RNF220: variants seen among roughly 807,000 people sequenced by gnomAD.
The protein encoded by RNF220 is E3 ubiquitin-protein ligase RNF220.
In RNF220, 7 loss-of-function variants were observed where a neutral mutation model predicts 67.1. That is an observed-to-expected ratio of 0.10 (90% CI 0.06 to 0.20). The LOEUF is 0.20. Among genes scored for constraint, RNF220 ranks in the 10% least tolerant of loss-of-function variants. The pLI is 1.00. For missense variants in RNF220, 565 were observed against 740.3 expected, an observed-to-expected ratio of 0.76 and a Z score of 2.75; for synonymous variants, 270 against 283.2, an observed-to-expected ratio of 0.95 and a Z score of 0.47.
intron 2 of RNF220, among the ~76,000 whole-genome samples, chr1:44,549,016 G>C (rs1449463787): frequency 1.3e-5 from 2 of 152,082 alleles, no homozygotes; most frequent in Non-Finnish European, 2.9e-5. Context: ...GTTAAACTCT[G>C]TCTCTACTAA....
chr1:44,449,545 C>T (rs1652453456), intron 2 of RNF220, among the ~76,000 whole-genome samples: 1 of 152,084 alleles, frequency 6.6e-6, no homozygotes, highest in Non-Finnish European at 1.5e-5. Flanking sequence ...TCCCAAGTAG[C>T]TGGGATTACA....
At chr1:44,453,042 C>T (rs1012446928) in intron 2 of RNF220, among the ~76,000 whole-genome samples, 3 of 152,070 alleles carry the variant, frequency 2.0e-5, no homozygotes, top group Non-Finnish European at 4.4e-5. Flanking sequence ...AAATCTTGGA[C>T]ATATTGGTGA....
At chr1:44,581,955 G>A (rs564132037) in intron 2 of RNF220, among the ~76,000 whole-genome samples, 2 of 152,176 alleles carry the variant, frequency 1.3e-5, no homozygotes, top group African/African-American at 2.4e-5. Flanking sequence ...CAAGGGAAGC[G>A]CCCACCAGCA....
intron 2 of RNF220, among the ~76,000 whole-genome samples, chr1:44,589,784 T>A (rs750015865): frequency 5.9e-5 from 9 of 152,114 alleles, no homozygotes; most frequent in Non-Finnish European, 1.0e-4. Context: ...TATATTTCTG[T>A]CTCTACCAAT....
At chr1:44,473,277 T>G (rs761228445) in intron 2 of RNF220, among the ~76,000 whole-genome samples, 4 of 152,134 alleles carry the variant, frequency 2.6e-5, no homozygotes, top group Non-Finnish European at 5.9e-5. Context: ...GTGGAACGGT[T>G]TCTGTAAAAG....
intron 2 of RNF220, among the ~76,000 whole-genome samples, chr1:44,563,244 T>C (rs1663725651): frequency 6.6e-6 from 1 of 152,086 alleles, no homozygotes; most frequent in Admixed American, 6.5e-5. Context: ...GGGGCGAGGC[T>C]GGGCTAGCCT....
rs1300943687 is a variant in RNF220, at chr1:44,411,964, C to T, written c.-117-17C>T. ...ACTTTCCTCCCCCTTCTTTTTTTCTCTTTGCTGTTTCTACAGGTCTTAGGA... is the reference window on the plus strand; with the variant it reads ...ACTTTCCTCCCCCTTCTTTTTTTCTTTTTGCTGTTTCTACAGGTCTTAGGA... On this transcript the variant is annotated splice_polypyrimidine_tract_variant and intron_variant, in intron 1 of 14. Coordinates refer to ENST00000361799, the MANE Select transcript of RNF220 (RefSeq NM_018150.4). 3.1e-5 allele frequency: 30 copies of T among 977,962 alleles called. No homozygotes were observed. Among genetic ancestry groups the T allele is most frequent in the South Asian group, 6.5e-5 (3 of 46,002 alleles). The allele number at this position is 977,962 out of a possible 1,614,324, so 60.6% of individuals were successfully genotyped here.
At chr1:44,537,377 A>ATG (rs377063866) in intron 2 of RNF220, among the ~76,000 whole-genome samples, 44 of 151,818 alleles carry the variant, frequency 2.9e-4, no homozygotes, top group African/African-American at 6.8e-4. Flanking sequence ...GTGGTTCTTA[A>ATG]TGTGTGTGTG....
At position 44,475,747 on chromosome 1, in the gene RNF220, C is replaced by T. The variant is rs186229283; in HGVS notation, c.625+63025C>T. 8.5e-4 allele frequency among the ~76,000 whole-genome samples: 126 copies of T among 148,416 alleles called. 1 individual carries two copies. The highest frequency in any genetic ancestry group is 3.2e-3 in the African/African-American group (123 of 38,054). ...TCTCTACAGAGGCTGGGCGCAGTGG[C>T]TCACACCTGTAATCCCAGCACTTTG... On this transcript the variant is annotated intron_variant, in intron 2 of 14. Coordinates refer to ENST00000361799, the MANE Select transcript of RNF220 (RefSeq NM_018150.4).
In RNF220 at chr1:44,633,740, G is replaced by A. The variant is rs530002553; in HGVS notation, c.949+1355G>A. ...TTCCCCAGGGAGGCATTCCCTTGGT[G>A]TAGGCATGGTAGGGAGGAAGCTTTG... On this transcript the variant is annotated intron_variant, in intron 6 of 14. Transcript: ENST00000361799. 2.0e-5 allele frequency among the ~76,000 whole-genome samples: 3 copies of A among 152,358 alleles called. No individual in the cohort carries two copies. The South Asian group carries it at 6.2e-4, about 32-fold the overall frequency.
At chr1:44,550,000 C>T (rs1291159522) in intron 2 of RNF220, among the ~76,000 whole-genome samples, 1 of 152,220 alleles carries the variant, frequency 6.6e-6, no homozygotes, top group East Asian at 1.9e-4. Flanking sequence ...AAGCCCTGTC[C>T]TCAGCCTGCA....
chr1:44,561,718 AC>A (rs1280480103), intron 2 of RNF220, among the ~76,000 whole-genome samples: 1 of 152,056 alleles, frequency 6.6e-6, no homozygotes, highest in African/African-American at 2.4e-5. Flanking sequence ...GGAGTTTGAG[AC>A]CAGCCTGGAC....
chr1:44,502,149 TCTCTCTCTCACA>T (rs1469513010), intron 2 of RNF220, among the ~76,000 whole-genome samples: 51 of 121,948 alleles, frequency 4.2e-4, no homozygotes, highest in Admixed American at 3.1e-3. Flanking sequence ...TCTCTCTCTC[TCTCTCTCTCACA>T]CACACACACA....
At chr1:44,639,912 C>A (rs1219749730) in intron 8 of RNF220, among the ~76,000 whole-genome samples, 2 of 152,242 alleles carry the variant, frequency 1.3e-5, no homozygotes, top group African/African-American at 2.4e-5. Context: ...GCCTCAGCCT[C>A]CCGAGTAGCT....
chr1:44,482,374 A>G (rs1219669792), intron 2 of RNF220, among the ~76,000 whole-genome samples: 2 of 152,138 alleles, frequency 1.3e-5, no homozygotes, highest in African/African-American at 2.4e-5. Flanking sequence ...GCTGTGGTGA[A>G]GACATTTGAA....
intron 2 of RNF220, among the ~76,000 whole-genome samples, chr1:44,595,947 G>T (rs1350696276): frequency 6.6e-6 from 1 of 151,898 alleles, no homozygotes; most frequent in African/African-American, 2.4e-5. Context: ...TGTATTTTTA[G>T]TAGAGACGGG....
In RNF220 at chr1:44,622,616, T is replaced by G. The variant is rs1573081635; in HGVS notation, c.759-126T>G. On this transcript the variant is annotated intron_variant, in intron 3 of 14. Transcript: ENST00000361799. This position sits in a 1 kb window ranked among gnomAD's most constrained non-coding sequence, Gnocchi z 4.3. ...TGGGATTGAAAGGACTGGGTGGAGC[T>G]TGGCTGAGCTGGGCTGGGCTAGGCG... 1.3e-6 allele frequency: 1 copy of G among 773,142 alleles called. No homozygotes were observed. Among genetic ancestry groups the G allele is most frequent in the East Asian group, 2.6e-5 (1 of 39,024 alleles). The allele number at this position is 773,142 out of a possible 1,614,324, so 47.9% of individuals were successfully genotyped here.
intron 2 of RNF220, among the ~76,000 whole-genome samples, chr1:44,578,822 T>C (rs1401868274): frequency 6.6e-6 from 1 of 152,136 alleles, no homozygotes; most frequent in Non-Finnish European, 1.5e-5. Flanking sequence ...ATTTATTGAG[T>C]GCTCACAGTG....
At chr1:44,626,731 A>T in intron 5 of RNF220, 1 of 252,764 alleles carries the variant, frequency 4.0e-6, no homozygotes, top group Non-Finnish European at 7.6e-6. Flanking sequence ...TCACCTGAAG[A>T]TTTCAGACTT....
Sources: allele counts gnomAD v4.1 joint callset (sites outside exome capture counted in the v4.1 genomes callset), GRCh38; gene constraint gnomAD v4.1.1; non-coding constraint Gnocchi (gnomAD v3.1); transcripts MANE v1.5; gene names NCBI Gene and HGNC (gene_info 2026-07-23, HGNC 2026-07-21).